MAPK8IP3: variants seen among roughly 807,000 people sequenced by gnomAD.
MAPK8IP3 encodes mitogen-activated protein kinase 8 interacting protein 3.
MAPK8IP3 carries 49 observed loss-of-function variants against 157.8 expected under a neutral mutation model. The ratio of observed to expected loss-of-function variants is 0.31; its 90% confidence interval spans 0.25 to 0.39. MAPK8IP3 has a LOEUF of 0.39. Ranked by LOEUF, MAPK8IP3 falls within the 10% of genes least tolerant of loss-of-function variation. The pLI is 1.00. For synonymous variants in MAPK8IP3, 897 were observed against 777.7 expected, an observed-to-expected ratio of 1.15 and a Z score of -2.55; for missense variants, 1,478 against 1,889.4, an observed-to-expected ratio of 0.78 and a Z score of 4.04.
chr16:1,768,840 T>A lies in MAPK8IP3; in HGVS notation c.*16T>A. Reference sequence around the variant, plus strand: ...CCCCGAGTGAAGCTGCTGCCCTGCCTGGCCCGACCTGTACATAGGACCCCC... The same window carrying A: ...CCCCGAGTGAAGCTGCTGCCCTGCCAGGCCCGACCTGTACATAGGACCCCC... On this transcript the variant is annotated 3_prime_UTR_variant, in exon 32 of 32. Coordinates refer to ENST00000610761, the MANE Select transcript of MAPK8IP3 (RefSeq NM_001318852.2). The A allele has an allele frequency of 1.2e-6, 2 of 1,610,910 alleles. No homozygotes were observed. The highest frequency in any genetic ancestry group is 1.7e-6 in the Non-Finnish European group (2 of 1,179,528).
intron 4 of MAPK8IP3, among the ~76,000 whole-genome samples, chr16:1,730,887 CCCGGCACTTTGGAAGGCTGAGG>C (rs2039272439): frequency 6.8e-6 from 1 of 147,966 alleles, no homozygotes; most frequent in African/African-American, 2.5e-5. Context: ...CACCTGTAAT[CCCGGCACTTTGGAAGGCTGAGG>C]CCGGCAGATC....
chr16:1,739,129 C>CATCT (rs2040392287), intron 4 of MAPK8IP3, among the ~76,000 whole-genome samples: 1 of 110,956 alleles, frequency 9.0e-6, no homozygotes, highest in African/African-American at 3.5e-5. Flanking sequence ...TCCGTGTGAG[C>CATCT]GTGTGACCGT....
chr16:1,743,418 C>T lies in MAPK8IP3; in HGVS notation c.689C>T (p.Ala230Val), dbSNP rs774815912. 3.7e-6 allele frequency: 6 copies of T among 1,609,528 alleles called. No homozygotes were observed. Among genetic ancestry groups the T allele is most frequent in the East Asian group, 2.2e-5 (1 of 44,558 alleles). ...RAQIGGKLVP[A>V]GDHWHLSDLG... Reference sequence around the variant, plus strand: ...CAGATCGGGGGCAAGCTCGTGCCTGCGGGGGACCACTGGCACCTGAGTGAC... The same window carrying T: ...CAGATCGGGGGCAAGCTCGTGCCTGTGGGGGACCACTGGCACCTGAGTGAC... Residue 230 changes from alanine to valine, a missense_variant, in exon 5 of 32, where the codon GCG (alanine) becomes GTG (valine). Coordinates refer to ENST00000610761, the MANE Select transcript of MAPK8IP3 (RefSeq NM_001318852.2). The surrounding 1 kb of genome is among the most constrained non-coding windows in gnomAD (Gnocchi z 5.6).
chr16:1,732,475 G>C (rs1214422059), intron 4 of MAPK8IP3, among the ~76,000 whole-genome samples: 1 of 152,258 alleles, frequency 6.6e-6, no homozygotes, highest in East Asian at 1.9e-4. Context: ...CTGGACGTGA[G>C]AGCAAATGCA....
At chr16:1,723,961 A>G (rs1596572026) in intron 1 of MAPK8IP3, among the ~76,000 whole-genome samples, 1 of 152,178 alleles carries the variant, frequency 6.6e-6, no homozygotes, top group Non-Finnish European at 1.5e-5. Flanking sequence ...AATGACTAGG[A>G]GCAAGACTGT....
rs60654135 is a variant in MAPK8IP3 at position 1,732,879 on chromosome 16, G to C, written c.602+3301G>C. On this transcript the variant is annotated intron_variant, in intron 4 of 31. Coordinates refer to ENST00000610761, the MANE Select transcript of MAPK8IP3 (RefSeq NM_001318852.2). ...GCAGCGCCAGCCATCCGCCCACCTGGAGCACCATGAGAACTACACCGGGGC... is the reference window on the plus strand; with the variant it reads ...GCAGCGCCAGCCATCCGCCCACCTGCAGCACCATGAGAACTACACCGGGGC... 1.7e-3 allele frequency among the ~76,000 whole-genome samples: 258 copies of C among 152,332 alleles called. 6 individuals are homozygous for C. The East Asian group carries it at 0.046, about 27-fold the overall frequency.
At chr16:1,758,741 C>T (rs917139097) in intron 9 of MAPK8IP3, among the ~76,000 whole-genome samples, 1 of 152,232 alleles carries the variant, frequency 6.6e-6, no homozygotes, top group African/African-American at 2.4e-5. Flanking sequence ...ACAGGTGACA[C>T]TGGCCTGGCA....
chr16:1,727,497 CTG>C (rs1371243835), intron 2 of MAPK8IP3, among the ~76,000 whole-genome samples: 2 of 152,150 alleles, frequency 1.3e-5, no homozygotes, highest in South Asian at 2.1e-4. Flanking sequence ...GGTGCAGCGT[CTG>C]TAAGTTATGC....
At chr16:1,721,731 G>A (rs1193661135) in intron 1 of MAPK8IP3, among the ~76,000 whole-genome samples, 2 of 151,952 alleles carry the variant, frequency 1.3e-5, no homozygotes, top group Admixed American at 6.6e-5. Context: ...ATGAGCCACC[G>A]CTCCGGGCCT....
intron 1 of MAPK8IP3, among the ~76,000 whole-genome samples, chr16:1,713,108 C>T (rs1044973605): frequency 1.3e-5 from 2 of 152,226 alleles, no homozygotes; most frequent in African/African-American, 2.4e-5. Context: ...AGGACTGTCT[C>T]TTTGGAGCAG....
intron 8 of MAPK8IP3, among the ~76,000 whole-genome samples, chr16:1,749,873 C>A (rs975658105): frequency 6.6e-6 from 1 of 152,196 alleles, no homozygotes; most frequent in East Asian, 1.9e-4. Flanking sequence ...GACAGGGAGG[C>A]CTGTCTCATC....
At chr16:1,739,970 GCGTGTGACCGTC>G (rs2040542592) in intron 4 of MAPK8IP3, among the ~76,000 whole-genome samples, 2 of 114,694 alleles carry the variant, frequency 1.7e-5, no homozygotes, top group African/African-American at 3.4e-5. Flanking sequence ...GTCCGTGTGA[GCGTGTGACCGTC>G]CGTGTGAGCA....
chr16:1,736,315 CGT>C (rs1210544662), intron 4 of MAPK8IP3, among the ~76,000 whole-genome samples: 5 of 55,458 alleles, frequency 9.0e-5, no homozygotes, highest in African/African-American at 2.8e-4. Flanking sequence ...TCCGTGTGAG[CGT>C]GTGACCGTGT....
intron 5 of MAPK8IP3, chr16:1,745,228 C>T (rs545979485): frequency 1.5e-4 from 144 of 972,060 alleles, no homozygotes; most frequent in Admixed American, 2.5e-4. Context: ...AGGAGCAGGC[C>T]GGGGACCCAG....
At position 1,768,152 on chromosome 16, in the gene MAPK8IP3, T is replaced by C. The variant is rs2437734; in HGVS notation, c.3562+45T>C. ...GTCCCCTCACGGGAGCCTCTCCCAC[T>C]CTCCACCTGTATGCGGGCTCAGCGC... On this transcript the variant is annotated intron_variant, in intron 29 of 31. Coordinates refer to ENST00000610761, the MANE Select transcript of MAPK8IP3 (RefSeq NM_001318852.2). The C allele has an allele frequency of 0.92, 1,489,422 of 1,611,850 alleles. 688,403 individuals carry two copies. The highest frequency in any genetic ancestry group is 0.97 in the Admixed American group (58,240 of 59,998).
Position 1,770,041 on chromosome 16 carries a change from CACCCCCAACCA to C in MAPK8IP3, c.*1218_*1228del, listed in dbSNP as rs1372813527. On this transcript the variant is annotated 3_prime_UTR_variant, in exon 32 of 32. Transcript: ENST00000610761. ...ATGAGGGCAGCCCAGCCCCCGCACC[CACCCCCAACCA>C]GAGAAGCACAGATCTTGGGGAGCTG... The C allele has an allele frequency of 1.3e-5, 2 of 152,456 alleles. No homozygotes were observed. Among genetic ancestry groups the C allele is most frequent in the African/African-American group, 4.8e-5 (2 of 41,460 alleles). The allele number at this position is 152,456 out of a possible 1,614,324, so 9.4% of individuals were successfully genotyped here. A position where few individuals can be genotyped will look rare whatever the true frequency, so the allele number is the denominator to read the frequency against.
In MAPK8IP3 at chr16:1,748,589, T is replaced by C; in HGVS notation, c.1098-13T>C. The C allele has an allele frequency of 6.2e-7, 1 of 1,605,950 alleles. No individual in the cohort carries two copies. Among genetic ancestry groups the C allele is most frequent in the Non-Finnish European group, 8.5e-7 (1 of 1,172,730 alleles). On this transcript the variant is annotated splice_polypyrimidine_tract_variant and intron_variant, in intron 7 of 31. Coordinates refer to ENST00000610761, the MANE Select transcript of MAPK8IP3 (RefSeq NM_001318852.2). ...TGACTCTGCTCTCTCTCCCGACCTG[T>C]GGATCCCAACAGCCCAACCCAGGGC...
At chr16:1,762,646 C>A (rs746881339) in intron 14 of MAPK8IP3, 29 bp from the exon 15 acceptor site, 1 of 1,541,490 alleles carries the variant, frequency 6.5e-7, no homozygotes, top group Admixed American at 1.9e-5. Flanking sequence ...AGGGCACTAG[C>A]AGGTTGCTCC....
At chr16:1,765,226 C>T in intron 20 of MAPK8IP3, 48 bp downstream of exon 20, 1 of 1,546,258 alleles carries the variant, frequency 6.5e-7, no homozygotes, top group Non-Finnish European at 8.8e-7. Flanking sequence ...CTCCCTTTTA[C>T]TAGCAAGCTA....
Sources: gnomAD v4.1 joint callset for allele counts (sites outside exome capture counted in the v4.1 genomes callset) on GRCh38, gnomAD v4.1.1 for gene constraint, Gnocchi (gnomAD v3.1) non-coding constraint, MANE v1.5 for transcripts, NCBI Gene and HGNC (gene_info 2026-07-23, HGNC 2026-07-21) for gene names.